The following CFAP69 variants were observed in gnomAD, a reference collection of about 807,000 sequenced individuals.
CFAP69 encodes cilia and flagella associated protein 69, also known as cilia- and flagella-associated protein 69.
A neutral mutation model predicts 123.0 loss-of-function variants in CFAP69; 92 were observed. That is an observed-to-expected ratio of 0.75 (90% CI 0.63 to 0.89). The LOEUF (loss-of-function observed/expected upper bound fraction) is 0.89. Ranked by LOEUF, CFAP69 falls within the 40% of genes least tolerant of loss-of-function variation. CFAP69 has a pLI of 0.00. For missense variants in CFAP69, 1,067 were observed against 1,096.9 expected (o/e 0.97, Z 0.39); for synonymous variants, 380 against 364.3 (o/e 1.04, Z -0.49).
intron 11 of CFAP69, among the ~76,000 whole-genome samples, 167 bp downstream of exon 11, chr7:90,277,501 C>G (rs1035903754): frequency 1.6e-4 from 24 of 152,094 alleles, no homozygotes; most frequent in African/African-American, 5.5e-4. Flanking sequence ...CTTTGCTTAT[C>G]TGTTAGTAAA....
Position 90,258,135 on chromosome 7 carries a change from A to G in CFAP69, c.218A>G (p.Lys73Arg), listed in dbSNP as rs766141723. ...LEEKQLKFVK[K>R]LVQCYQNGLP... ...GAAAAACAACTTAAATTTGTCAAGA[A>G]ACTGGTACAGTGTTATCAGAATGGA... is the stretch of plus-strand genomic sequence containing the variant. The change falls in exon 3 of 23, where the codon AAA becomes AGA. Residue 73 changes from lysine to arginine, a missense_variant. By Grantham distance (26) the Lys-to-Arg change is conservative. Transcript: ENST00000389297. The G allele has an allele frequency of 1.2e-6, 2 of 1,611,008 alleles. No homozygotes were observed. Among genetic ancestry groups the G allele is most frequent in the Non-Finnish European group, 8.5e-7 (1 of 1,178,402 alleles).
chr7:90,262,771 A>G (rs190530170), intron 4 of CFAP69, among the ~76,000 whole-genome samples: 1 of 151,996 alleles, frequency 6.6e-6, no homozygotes, highest in African/African-American at 2.4e-5. Flanking sequence ...GCAATTATTT[A>G]TTTTAATATA....
chr7:90,255,303 C>G (rs1172962215), intron 1 of CFAP69, 120 bp from the exon 2 acceptor site: 1 of 707,170 alleles, frequency 1.4e-6, no homozygotes, highest in East Asian at 2.6e-5. Context: ...CCCTTACTAT[C>G]GTAGTGTCAT....
Position 90,245,368 on chromosome 7 carries a change from G to A in CFAP69, c.-57G>A. On this transcript the variant is annotated 5_prime_UTR_variant, in exon 1 of 23. Coordinates refer to ENST00000389297, the MANE Select transcript of CFAP69 (RefSeq NM_001039706.3). ...CGGGGCCTCTTTGGGCCCAGCGGCT[G>A]CGGGCGCACTGTAGGACAGGAAGAT... 6.9e-7 allele frequency: 1 copy of A among 1,452,406 alleles called. No individual in the cohort carries two copies. The highest frequency in any genetic ancestry group is 9.1e-7 in the Non-Finnish European group (1 of 1,101,724). The allele number at this position is 1,452,406 out of a possible 1,614,324, so 90.0% of individuals were successfully genotyped here. A position where few individuals can be genotyped will look rare whatever the true frequency, so the allele number is the denominator to read the frequency against.
intron 2 of CFAP69, among the ~76,000 whole-genome samples, chr7:90,257,664 T>C (rs1243313557): frequency 6.6e-6 from 1 of 152,202 alleles, no homozygotes; most frequent in Non-Finnish European, 1.5e-5. Context: ...TCACTTAATA[T>C]CTTCTAGTTC....
intron 20 of CFAP69, 112 bp from the exon 21 acceptor site, chr7:90,307,656 A>G (rs918231252): frequency 8.5e-6 from 5 of 591,106 alleles, no homozygotes; most frequent in South Asian, 7.0e-5. Context: ...AAAGGCAGAG[A>G]GATACTTGAG....
intron 1 of CFAP69, among the ~76,000 whole-genome samples, chr7:90,249,974 C>A (rs1022170270): frequency 1.3e-5 from 2 of 152,182 alleles, no homozygotes; most frequent in African/African-American, 4.8e-5. Context: ...TAGTTGATAT[C>A]ATATCCTGTC....
In CFAP69 at chr7:90,299,467, A is replaced by G. The variant is rs553997313; in HGVS notation, c.1858-400A>G. Among the ~76,000 whole-genome samples the G allele has an allele frequency of 1.1e-3, 163 of 152,248 alleles. No individual in the cohort carries two copies. In the South Asian group the frequency reaches 0.019, roughly 18 times the overall value. On this transcript the variant is annotated intron_variant, in intron 16 of 22. Transcript: ENST00000389297. ...TAATAACAAAGAGATTACAGTTAGT[A>G]TGAATCTTTACAAGCCTTAATAAAG...
chr7:90,318,596 T>G, the CFAP69 span: 1 of 152,130 alleles, frequency 6.6e-6, no homozygotes, highest in African/African-American at 2.4e-5. Flanking sequence ...TACAATTTTA[T>G]TCCATTGACT....
chr7:90,304,685 A>T (rs1793309329), intron 18 of CFAP69, 59 bp from the exon 19 acceptor site: 4 of 1,381,984 alleles, frequency 2.9e-6, no homozygotes, highest in Admixed American at 2.3e-5. Flanking sequence ...ATAGATAGAT[A>T]GATTCTTAGA....
intron 9 of CFAP69, among the ~76,000 whole-genome samples, chr7:90,275,479 G>T (rs1257332212): frequency 6.6e-6 from 1 of 151,586 alleles, no homozygotes; most frequent in Non-Finnish European, 1.5e-5. Flanking sequence ...CTTTCCAATG[G>T]CTGTGGTTGC....
intron 6 of CFAP69, among the ~76,000 whole-genome samples, chr7:90,269,088 A>G (rs2157794): frequency 2.1e-5 from 1 of 47,638 alleles, no homozygotes; most frequent in Non-Finnish European, 6.4e-5. Flanking sequence ...AAGACAATTT[A>G]AAAAAAAAAA....
intron 15 of CFAP69, among the ~76,000 whole-genome samples, chr7:90,291,820 A>G (rs1317823548): frequency 6.6e-6 from 1 of 152,192 alleles, no homozygotes; most frequent in Non-Finnish European, 1.5e-5. Flanking sequence ...CTGAAAGAGT[A>G]ACAATTGAAA....
At position 90,245,274 on chromosome 7, in the gene CFAP69, G is replaced by C. The variant is rs968517675; in HGVS notation, c.-151G>C. 2 of 1,080,220 alleles carry C rather than the reference G, an allele frequency of 1.9e-6. No homozygotes were observed. Among genetic ancestry groups the C allele is most frequent in the African/African-American group, 1.7e-5 (1 of 59,702 alleles). 66.9% of individuals were successfully genotyped at this position (1,080,220 alleles called of 1,614,324 possible). ...AAGCGGACTGTATGGCGGTGGCCTA[G>C]GCCCCTGGCGGAATTTTGGGACCTT... On this transcript the variant is annotated 5_prime_UTR_variant, in exon 1 of 23. An upstream open reading frame in the 5' UTR loses its in-frame stop. Transcript: ENST00000389297.
At position 90,279,517 on chromosome 7, in the gene CFAP69, G is replaced by GT. The variant is rs149571447; in HGVS notation, c.1156-159dup. Among the ~76,000 whole-genome samples, 139 of 146,366 alleles carry GT rather than the reference G, an allele frequency of 9.5e-4. 1 individual carries two copies. Among genetic ancestry groups the GT allele is most frequent in the Middle Eastern group, 7.0e-3 (2 of 286 alleles). ...AGGATTATAACTTATTTAATTTTTG[G>GT]TGTTTTTTTTTTGGTACCTATCATA... is the stretch of plus-strand genomic sequence containing the variant. On this transcript the variant is annotated intron_variant, in intron 11 of 22. Coordinates refer to ENST00000389297, the MANE Select transcript of CFAP69 (RefSeq NM_001039706.3).
At chr7:90,255,318 C>A in intron 1 of CFAP69, 105 bp from the exon 2 acceptor site, 1 of 861,264 alleles carries the variant, frequency 1.2e-6, no homozygotes, top group Non-Finnish European at 1.9e-6. Flanking sequence ...TGTCATAAAA[C>A]ATTTTTTAAG....
At chr7:90,256,128 A>C (rs1035085383) in intron 2 of CFAP69, among the ~76,000 whole-genome samples, 1 of 152,142 alleles carries the variant, frequency 6.6e-6, no homozygotes, top group African/African-American at 2.4e-5. Flanking sequence ...TGAGTTGACC[A>C]CAAATGCCCA....
chr7:90,285,141 A>G (rs1790078821), intron 13 of CFAP69, among the ~76,000 whole-genome samples: 1 of 152,188 alleles, frequency 6.6e-6, no homozygotes, highest in African/African-American at 2.4e-5. Flanking sequence ...AACTATGGCC[A>G]GTCAAACTGG....
chr7:90,308,983 T>G (rs1419299101), intron 21 of CFAP69, among the ~76,000 whole-genome samples: 3 of 152,156 alleles, frequency 2.0e-5, no homozygotes, highest in Non-Finnish European at 4.4e-5. Context: ...CCTGATTTCT[T>G]CAGGATCTGC....
Sources: gnomAD v4.1 joint callset for allele counts (sites outside exome capture counted in the v4.1 genomes callset) on GRCh38, gnomAD v4.1.1 for gene constraint, MANE v1.5 for transcripts, NCBI Gene and HGNC (gene_info 2026-07-23, HGNC 2026-07-21) for gene names.